IQCM: variants seen among roughly 807,000 people sequenced by gnomAD.
The protein encoded by IQCM is IQ motif containing M, also known as IQ domain-containing protein M.
In IQCM, 45 loss-of-function variants were observed where a neutral mutation model predicts 57.6. The ratio of observed to expected loss-of-function variants is 0.78; its 90% CI spans 0.62 to 1.00. IQCM has a LOEUF of 1.00. Ranked by LOEUF, IQCM falls within the 50% of genes least tolerant of loss-of-function variation. The pLI, the probability that IQCM is intolerant of heterozygous loss-of-function variation, is 0.00. For missense variants in IQCM, 468 were observed against 511.6 expected, an observed-to-expected ratio of 0.91 and a Z score of 0.82; for synonymous variants, 148 against 158.9, an observed-to-expected ratio of 0.93 and a Z score of 0.51.
intron 2 of IQCM, among the ~76,000 whole-genome samples, chr4:149,810,454 A>T (rs114483835): frequency 0.028 from 4,296 of 150,860 alleles, 210 homozygotes; most frequent in African/African-American, 0.099. Flanking sequence ...AAAACATATA[A>T]TTTTTTTTTC....
intron 10 of IQCM, among the ~76,000 whole-genome samples, chr4:149,554,453 A>T (rs1289122194): frequency 6.6e-6 from 1 of 151,690 alleles, no homozygotes; most frequent in Non-Finnish European, 1.5e-5. Flanking sequence ...AGTAGCTGGG[A>T]CTACAGGCAC....
chr4:149,362,031 G>A (rs115420591), intron 13 of IQCM, among the ~76,000 whole-genome samples: 2,821 of 152,222 alleles, frequency 0.019, 105 homozygotes, highest in African/African-American at 0.065. Context: ...ATGACCTGGA[G>A]GTGAGACCTG....
At chr4:149,715,658 A>G (rs1434613251) in intron 5 of IQCM, among the ~76,000 whole-genome samples, 1 of 152,100 alleles carries the variant, frequency 6.6e-6, no homozygotes, top group Non-Finnish European at 1.5e-5. Flanking sequence ...TTCTTGTCCC[A>G]TGTCCAGGAA....
chr4:149,567,923 C>T (rs1028243130), intron 9 of IQCM, among the ~76,000 whole-genome samples: 4 of 152,088 alleles, frequency 2.6e-5, no homozygotes, highest in East Asian at 1.9e-4. Flanking sequence ...TTGCCAGCTC[C>T]GAATTCAAAA....
At chr4:149,798,212 A>G (rs1440796739) in intron 2 of IQCM, among the ~76,000 whole-genome samples, 1 of 152,028 alleles carries the variant, frequency 6.6e-6, no homozygotes, top group Non-Finnish European at 1.5e-5. Context: ...AAGTTAAGGC[A>G]TAGTGTTTTT....
intron 4 of IQCM, among the ~76,000 whole-genome samples, chr4:149,733,746 T>C (rs1291258610): frequency 6.6e-6 from 1 of 152,178 alleles, no homozygotes; most frequent in African/African-American, 2.4e-5. Context: ...AAGGATTATA[T>C]TCCCCTTTGA....
intron 9 of IQCM, among the ~76,000 whole-genome samples, chr4:149,564,460 T>C (rs1455059658): frequency 1.3e-5 from 2 of 152,140 alleles, no homozygotes; most frequent in African/African-American, 4.8e-5. Flanking sequence ...AGTGTCAACT[T>C]GACCAGATTG....
chr4:149,484,786 G>A (rs1741290500), intron 12 of IQCM, among the ~76,000 whole-genome samples: 1 of 151,918 alleles, frequency 6.6e-6, no homozygotes, highest in African/African-American at 2.4e-5. Context: ...GTGTGCTTGA[G>A]TTTTGTACCT....
At chr4:149,746,857 C>T (rs1767981180) in intron 2 of IQCM, among the ~76,000 whole-genome samples, 1 of 152,156 alleles carries the variant, frequency 6.6e-6, no homozygotes, top group Non-Finnish European at 1.5e-5. Flanking sequence ...ACCTTCTCTA[C>T]TTCACTCTGC....
At chr4:149,592,590 G>C (rs549316807) in intron 8 of IQCM, among the ~76,000 whole-genome samples, 3 of 151,736 alleles carry the variant, frequency 2.0e-5, no homozygotes, top group Admixed American at 6.6e-5. Flanking sequence ...TATGGTTTTA[G>C]GTCTAACATT....
intron 5 of IQCM, among the ~76,000 whole-genome samples, chr4:149,717,810 C>T (rs1461530756): frequency 6.6e-6 from 1 of 152,166 alleles, no homozygotes. Context: ...ACGGGCCTAA[C>T]ACTGCTAGGA....
At chr4:149,567,069 G>C (rs962019397) in intron 9 of IQCM, among the ~76,000 whole-genome samples, 1 of 152,026 alleles carries the variant, frequency 6.6e-6, no homozygotes, top group South Asian at 2.1e-4. Context: ...TCTTAACATA[G>C]GGAAAACCAT....
At chr4:149,651,950 G>C (rs991728313) in intron 7 of IQCM, among the ~76,000 whole-genome samples, 1 of 152,050 alleles carries the variant, frequency 6.6e-6, no homozygotes, top group Admixed American at 6.6e-5. Context: ...CCCATTATTG[G>C]GTATATACCC....
intron 7 of IQCM, among the ~76,000 whole-genome samples, chr4:149,659,651 G>C (rs562881896): frequency 6.6e-6 from 1 of 152,078 alleles, no homozygotes; most frequent in Non-Finnish European, 1.5e-5. Flanking sequence ...CAATGGAACA[G>C]AACAGAGCCC....
At chr4:149,575,079 T>G (rs906207465) in intron 9 of IQCM, among the ~76,000 whole-genome samples, 2 of 151,980 alleles carry the variant, frequency 1.3e-5, no homozygotes. Flanking sequence ...CAATTTACTC[T>G]GATTTGGATC....
intron 13 of IQCM, among the ~76,000 whole-genome samples, chr4:149,356,529 A>G (rs1277115509): frequency 6.6e-6 from 1 of 152,018 alleles, no homozygotes; most frequent in Non-Finnish European, 1.5e-5. Context: ...TGTTTTTCTC[A>G]GGTTTGTCAA....
intron 7 of IQCM, among the ~76,000 whole-genome samples, chr4:149,670,565 G>A (rs577922617): frequency 1.3e-5 from 2 of 152,254 alleles, no homozygotes; most frequent in South Asian, 4.1e-4. Flanking sequence ...AGTTTTCAAA[G>A]GGAATGTTTC....
At chr4:149,559,230 CA>C (rs1749887393) in intron 10 of IQCM, among the ~76,000 whole-genome samples, 1 of 152,158 alleles carries the variant, frequency 6.6e-6, no homozygotes, top group East Asian at 1.9e-4. Context: ...ATCCATTGTC[CA>C]AAGTCAGTAA....
rs10699278 is a variant in IQCM at position 149,374,998 on chromosome 4, T to TGTGTGTGTG, written c.1391-22933_1391-22932insCACACACAC. Among the ~76,000 whole-genome samples, 576 of 132,512 alleles carry TGTGTGTGTG rather than the reference T, an allele frequency of 4.3e-3. 6 individuals are homozygous for TGTGTGTGTG. Among genetic ancestry groups the TGTGTGTGTG allele is most frequent in the African/African-American group, 0.013 (490 of 37,676 alleles). 86.9% of individuals were successfully genotyped at this position (132,512 alleles called of 152,430 possible). A position where few individuals can be genotyped will look rare whatever the true frequency, so the allele number is the denominator to read the frequency against. ...GTGTGTGTGTGTGTGTGTGTGTGTG[T>TGTGTGTGTG]TGTGTGTGTGTGATGTTCTTTATTA... On this transcript the variant is annotated intron_variant, in intron 13 of 13. Coordinates refer to ENST00000636793, the MANE Select transcript of IQCM (RefSeq NM_001363507.2).
Sources: gnomAD v4.1 joint callset for allele counts (sites outside exome capture counted in the v4.1 genomes callset) on GRCh38, gnomAD v4.1.1 for gene constraint, MANE v1.5 for transcripts, NCBI Gene and HGNC (gene_info 2026-07-23, HGNC 2026-07-21) for gene names.